The following DTWD2 variants were observed in gnomAD, a reference collection of about 807,000 sequenced individuals.
DTWD2 encodes the protein tRNA-uridine aminocarboxypropyltransferase 2.
Under a neutral mutation model 31.8 loss-of-function variants are expected in DTWD2, and 39 were observed. The ratio of observed to expected loss-of-function variants is 1.22; its 90% CI spans 0.95 to 1.60. The LOEUF is 1.60. Among genes scored for constraint, DTWD2 ranks in the 40% most tolerant of loss-of-function variants. The pLI, the probability that DTWD2 is intolerant of heterozygous loss-of-function variation, is 0.00. For missense variants in DTWD2, 515 were observed against 381.5 expected, an observed-to-expected ratio of 1.35 and a Z score of -2.92; for synonymous variants, 180 against 142.8, an observed-to-expected ratio of 1.26 and a Z score of -1.86.
intron 4 of DTWD2, among the ~76,000 whole-genome samples, chr5:118,851,395 G>A (rs916037756): frequency 6.6e-6 from 1 of 152,010 alleles, no homozygotes; most frequent in East Asian, 1.9e-4. Flanking sequence ...ATATCGGTAG[G>A]ACCGTGATGC....
At position 118,929,489 on chromosome 5, in the gene DTWD2, CT is replaced by C. The variant is rs60962983; in HGVS notation, c.405-761del. On this transcript the variant is annotated intron_variant, in intron 3 of 5. Coordinates refer to ENST00000510708, the MANE Select transcript of DTWD2 (RefSeq NM_173666.4). ...TTGCTGATTTCTGTACGTCACTTCC[CT>C]TTTTTTTTTTTTGTCCACAAATTTG... 3.8e-3 allele frequency among the ~76,000 whole-genome samples: 544 copies of C among 144,652 alleles called. 1 individual carries two copies. Among genetic ancestry groups the C allele is most frequent in the African/African-American group, 8.4e-3 (331 of 39,580 alleles). The allele number at this position is 144,652 out of a possible 152,430, so 94.9% of individuals were successfully genotyped here. A position where few individuals can be genotyped will look rare whatever the true frequency, so the allele number is the denominator to read the frequency against.
intron 5 of DTWD2, among the ~76,000 whole-genome samples, chr5:118,847,400 A>G (rs1345213560): frequency 2.0e-5 from 3 of 152,150 alleles, no homozygotes; most frequent in African/African-American, 4.8e-5. Flanking sequence ...TTCAATAATT[A>G]AAAAACCCTA....
At chr5:118,867,472 G>A (rs187016825) in intron 4 of DTWD2, among the ~76,000 whole-genome samples, 3 of 152,226 alleles carry the variant, frequency 2.0e-5, no homozygotes, top group East Asian at 1.9e-4. Flanking sequence ...CAAGACAGCA[G>A]AATGATTAAA....
At chr5:118,965,632 C>CTTACCCCCAACCCGG (rs1364305238) in intron 1 of DTWD2, among the ~76,000 whole-genome samples, 1 of 152,124 alleles carries the variant, frequency 6.6e-6, no homozygotes, top group Non-Finnish European at 1.5e-5. Flanking sequence ...GATCTATGAC[C>CTTACCCCCAACCCGG]TTACCCCCAA....
Position 118,884,589 on chromosome 5 carries a change from T to C in DTWD2, c.598-36371A>G, listed in dbSNP as rs7735803. 4.6e-3 allele frequency among the ~76,000 whole-genome samples: 702 copies of C among 152,332 alleles called. 6 individuals carry two copies. Among genetic ancestry groups the C allele is most frequent in the African/African-American group, 0.016 (680 of 41,580 alleles). On this transcript the variant is annotated intron_variant, in intron 4 of 5. Coordinates refer to ENST00000510708, the MANE Select transcript of DTWD2 (RefSeq NM_173666.4). ...TACTTTCTGAAAATATTTCACACTT[T>C]AGCCAATTAAAATTTTTTTAATCAT...
intron 1 of DTWD2, among the ~76,000 whole-genome samples, chr5:118,953,576 T>C (rs1327076442): frequency 6.6e-6 from 1 of 152,182 alleles, no homozygotes; most frequent in African/African-American, 2.4e-5. Context: ...TAGAGACCTA[T>C]AAAGACCCTA....
intron 3 of DTWD2, among the ~76,000 whole-genome samples, chr5:118,932,549 G>A (rs1753950732): frequency 1.3e-5 from 2 of 152,102 alleles, no homozygotes; most frequent in Admixed American, 1.3e-4. Context: ...AGAATATGAT[G>A]GTATTTAGAG....
At chr5:118,967,174 T>G (rs1325529235) in intron 1 of DTWD2, among the ~76,000 whole-genome samples, 1 of 152,018 alleles carries the variant, frequency 6.6e-6, no homozygotes, top group Non-Finnish European at 1.5e-5. Context: ...GAGAGTCAGA[T>G]TTCTTACTGT....
intron 4 of DTWD2, among the ~76,000 whole-genome samples, chr5:118,908,620 G>A (rs1252680604): frequency 4.1e-5 from 6 of 145,454 alleles, no homozygotes; most frequent in African/African-American, 7.9e-5. Context: ...TAGGGAAACC[G>A]ACAAAACAAA....
At chr5:118,924,424 G>A (rs1032880386) in intron 4 of DTWD2, among the ~76,000 whole-genome samples, 7 of 152,076 alleles carry the variant, frequency 4.6e-5, no homozygotes, top group South Asian at 2.1e-4. Flanking sequence ...ATATGTCCTC[G>A]TTTAAGTTAG....
rs1049008920 is a variant in DTWD2 at position 118,931,724 on chromosome 5, A to T, written c.405-2995T>A. Among the ~76,000 whole-genome samples, 4 of 146,458 alleles carry T rather than the reference A, an allele frequency of 2.7e-5. No homozygotes were observed. In the South Asian group the frequency reaches 7.2e-4, roughly 26 times the overall value. On this transcript the variant is annotated intron_variant, in intron 3 of 5. Coordinates refer to ENST00000510708, the MANE Select transcript of DTWD2 (RefSeq NM_173666.4). ...TAAGGATATTGTTGGCCTGAACAGCATTATCAATCAACTTGATCTAATTGA... is the reference window on the plus strand; with the variant it reads ...TAAGGATATTGTTGGCCTGAACAGCTTTATCAATCAACTTGATCTAATTGA...
chr5:118,971,215 T>C (rs1754979450), intron 1 of DTWD2, among the ~76,000 whole-genome samples: 1 of 152,142 alleles, frequency 6.6e-6, no homozygotes, highest in Non-Finnish European at 1.5e-5. Context: ...TCAAGATCCA[T>C]CTGTATGCTA....
At chr5:118,949,622 C>A (rs750679698) in intron 1 of DTWD2, among the ~76,000 whole-genome samples, 1 of 152,002 alleles carries the variant, frequency 6.6e-6, no homozygotes, top group South Asian at 2.1e-4. Context: ...TTAAAGCATG[C>A]GGTGGGATGG....
rs75392825 is a variant in DTWD2, at chr5:118,937,710, C to A, written c.404+1486G>T. ...CCACAGGGAAATCCCAAGGGATAAT[C>A]CCCACAGACCTTAATAAAGGCATAA... On this transcript the variant is annotated intron_variant, in intron 3 of 5. Transcript: ENST00000510708. Among the ~76,000 whole-genome samples, 505 of 152,330 alleles carry A rather than the reference C, an allele frequency of 3.3e-3. 3 individuals carry two copies. The highest frequency in any genetic ancestry group is 0.012 in the African/African-American group (496 of 41,572).
intron 4 of DTWD2, among the ~76,000 whole-genome samples, chr5:118,876,342 A>C (rs1297827372): frequency 6.6e-6 from 1 of 152,180 alleles, no homozygotes; most frequent in Admixed American, 6.5e-5. Flanking sequence ...AGAAGACAAG[A>C]AATAACCACA....
intron 1 of DTWD2, among the ~76,000 whole-genome samples, chr5:118,976,671 C>G (rs983036894): frequency 1.3e-5 from 2 of 152,194 alleles, no homozygotes; most frequent in Non-Finnish European, 2.9e-5. Flanking sequence ...AGACCGATAA[C>G]AAGTTCTGAA....
At chr5:118,975,886 T>G (rs1755144524) in intron 1 of DTWD2, among the ~76,000 whole-genome samples, 1 of 152,202 alleles carries the variant, frequency 6.6e-6, no homozygotes, top group Non-Finnish European at 1.5e-5. Context: ...ATCAACAGAA[T>G]ATACATTCTT....
chr5:118,965,378 G>T (rs545486362), intron 1 of DTWD2, among the ~76,000 whole-genome samples: 250 of 150,574 alleles, frequency 1.7e-3, no homozygotes, highest in African/African-American at 5.8e-3. Flanking sequence ...GCCCCTTCTG[G>T]GAAGTGAGGA....
At chr5:118,882,916 T>C (rs1308072644) in intron 4 of DTWD2, among the ~76,000 whole-genome samples, 1 of 152,276 alleles carries the variant, frequency 6.6e-6, no homozygotes, top group East Asian at 1.9e-4. Flanking sequence ...TCATTACTTA[T>C]GCAAATTTAT....
Sources: allele counts gnomAD v4.1 joint callset (sites outside exome capture counted in the v4.1 genomes callset), GRCh38; gene constraint gnomAD v4.1.1; transcripts MANE v1.5; gene names NCBI Gene and HGNC (gene_info 2026-07-23, HGNC 2026-07-21).